The following CHL1 variants were observed in gnomAD, a reference collection of about 807,000 sequenced individuals.
CHL1 encodes the protein cell adhesion molecule L1 like.
Under a neutral mutation model 141.9 loss-of-function variants are expected in CHL1, and 96 were observed. The ratio of observed to expected loss-of-function variants is 0.68; its 90% CI spans 0.57 to 0.80. CHL1 has a LOEUF of 0.80. Ranked by LOEUF, CHL1 falls within the 30% of genes least tolerant of loss-of-function variation. CHL1 has a pLI of 0.00. For missense variants in CHL1, 1,820 were observed against 1,457.2 expected (o/e 1.25, Z -4.05); for synonymous variants, 613 against 502.2 (o/e 1.22, Z -2.95).
In CHL1 at chr3:382,084, C is replaced by A. The variant is rs557441602; in HGVS notation, c.1877-95C>A. Reference sequence around the variant, plus strand: ...TTCCCAGGTCCCTAAGAGGGTGGTACCTCCTCTGTCTCCGGGTAGCTGGCA... The same window carrying A: ...TTCCCAGGTCCCTAAGAGGGTGGTAACTCCTCTGTCTCCGGGTAGCTGGCA... On this transcript the variant is annotated intron_variant, in intron 16 of 27. Transcript: ENST00000256509. The A allele has an allele frequency of 5.0e-6, 5 of 995,272 alleles. No individual in the cohort carries two copies. The Middle Eastern group carries it at 8.9e-4, about 177-fold the overall frequency. 61.7% of individuals were successfully genotyped at this position (995,272 alleles called of 1,614,324 possible). A position where few individuals can be genotyped will look rare whatever the true frequency, so the allele number is the denominator to read the frequency against.
chr3:301,795 G>A (rs1223083646), intron 2 of CHL1, among the ~76,000 whole-genome samples: 1 of 152,130 alleles, frequency 6.6e-6, no homozygotes, highest in Non-Finnish European at 1.5e-5. Flanking sequence ...TACATGTACA[G>A]AACATGCAGT....
At position 314,339 on chromosome 3, in the gene CHL1, A is replaced by C. The variant is rs1339307446; in HGVS notation, c.-94-5344A>C. 9.7e-3 allele frequency among the ~76,000 whole-genome samples: 568 copies of C among 58,756 alleles called. 20 individuals are homozygous for C. The highest frequency in any genetic ancestry group is 0.039 in the African/African-American group (407 of 10,494). The allele number at this position is 58,756 out of a possible 152,430, so 38.5% of individuals were successfully genotyped here. ...TCTCTCTCTCTATGTGTATATATATATATATATATATATATATATATATAT... is the reference window on the plus strand; with the variant it reads ...TCTCTCTCTCTATGTGTATATATATCTATATATATATATATATATATATAT... On this transcript the variant is annotated intron_variant, in intron 2 of 27. Transcript: ENST00000256509.
At position 405,746 on chromosome 3, in the gene CHL1, C is replaced by G. The variant is rs1234336894; in HGVS notation, c.*35C>G. ...ATGTAAGCAACGCTACTGGTTCACCCCAACCTTCCATATTTATCTGTTCAA... is the reference window on the plus strand; with the variant it reads ...ATGTAAGCAACGCTACTGGTTCACCGCAACCTTCCATATTTATCTGTTCAA... On this transcript the variant is annotated 3_prime_UTR_variant, in exon 28 of 28. Transcript: ENST00000256509. The G allele has an allele frequency of 6.8e-7, 1 of 1,476,476 alleles. No homozygotes were observed. Among genetic ancestry groups the G allele is most frequent in the Admixed American group, 1.7e-5 (1 of 59,510 alleles). The allele number at this position is 1,476,476 out of a possible 1,614,324, so 91.5% of individuals were successfully genotyped here.
chr3:397,282 G>T (rs935776846), intron 24 of CHL1, among the ~76,000 whole-genome samples: 5 of 151,778 alleles, frequency 3.3e-5, no homozygotes, highest in Non-Finnish European at 5.9e-5. Flanking sequence ...CATATAATTG[G>T]CCTTATTTCT....
At chr3:284,669 A>G (rs184441801) in intron 2 of CHL1, among the ~76,000 whole-genome samples, 102 of 152,330 alleles carry the variant, frequency 6.7e-4, no homozygotes, top group Non-Finnish European at 1.0e-3. Context: ...TCTTCATGAC[A>G]TTATATGTTG....
chr3:332,240 C>T (rs1325926648), intron 5 of CHL1, among the ~76,000 whole-genome samples: 8 of 152,122 alleles, frequency 5.3e-5, no homozygotes, highest in East Asian at 1.9e-4. Flanking sequence ...GTAAATAAAA[C>T]GTCAAGAATA....
chr3:332,541 A>C (rs1196071809), intron 5 of CHL1, among the ~76,000 whole-genome samples: 1 of 152,090 alleles, frequency 6.6e-6, no homozygotes, highest in Non-Finnish European at 1.5e-5. Context: ...TTTTACATTT[A>C]TTCTATAAAC....
intron 5 of CHL1, among the ~76,000 whole-genome samples, chr3:333,789 C>T (rs1701649157): frequency 6.6e-6 from 1 of 152,122 alleles, no homozygotes; most frequent in Non-Finnish European, 1.5e-5. Flanking sequence ...CTTCATTATC[C>T]AACTATCAGT....
chr3:353,583 G>A (rs1053493367), intron 10 of CHL1, among the ~76,000 whole-genome samples: 2 of 152,180 alleles, frequency 1.3e-5, no homozygotes, highest in African/African-American at 4.8e-5. Flanking sequence ...ACTTGAACTT[G>A]AACTTGCCAA....
At chr3:218,145 C>T (rs907884540) in intron 1 of CHL1, among the ~76,000 whole-genome samples, 2 of 152,170 alleles carry the variant, frequency 1.3e-5, no homozygotes, top group African/African-American at 4.8e-5. Context: ...TTTCAGGCTT[C>T]TTAATAGCAG....
chr3:237,750 A>G (rs1692131107), intron 1 of CHL1, among the ~76,000 whole-genome samples: 2 of 152,248 alleles, frequency 1.3e-5, no homozygotes, highest in Non-Finnish European at 1.5e-5. Context: ...AGATTATACT[A>G]AATTATTAAA....
chr3:326,267 C>T (rs889111614), intron 4 of CHL1, among the ~76,000 whole-genome samples: 5 of 151,906 alleles, frequency 3.3e-5, no homozygotes, highest in African/African-American at 1.2e-4. Context: ...TTATTTTGAC[C>T]ATAAACTAAG....
chr3:345,798 T>A (rs1376512466), intron 9 of CHL1, among the ~76,000 whole-genome samples: 4 of 152,206 alleles, frequency 2.6e-5, no homozygotes, highest in African/African-American at 9.6e-5. Flanking sequence ...TGCACCTTTT[T>A]AAATCCTCCA....
At chr3:382,021 C>T (rs1019367099) in intron 16 of CHL1, among the ~76,000 whole-genome samples, 158 bp from the exon 17 acceptor site, 2 of 140,052 alleles carry the variant, frequency 1.4e-5, no homozygotes, top group African/African-American at 2.7e-5. Context: ...TGAAACTCCA[C>T]CTTTCCCTTC....
chr3:361,822 G>A lies in CHL1; in HGVS notation c.1418+12G>A, dbSNP rs750080926. 1.3e-6 allele frequency: 2 copies of A among 1,548,204 alleles called. No homozygotes were observed. Among genetic ancestry groups the A allele is most frequent in the East Asian group, 2.2e-5 (1 of 44,500 alleles). ...GCAGTCGTGTCCTGGTAAGCCGGTGGCTCATGGTTTTCTTAAGAGAATGTC... is the reference window on the plus strand; with the variant it reads ...GCAGTCGTGTCCTGGTAAGCCGGTGACTCATGGTTTTCTTAAGAGAATGTC... On this transcript the variant is annotated intron_variant, in intron 13 of 27. Coordinates refer to ENST00000256509, the MANE Select transcript of CHL1 (RefSeq NM_006614.4).
At chr3:375,865 A>C (rs1706248572) in intron 15 of CHL1, among the ~76,000 whole-genome samples, 1 of 152,180 alleles carries the variant, frequency 6.6e-6, no homozygotes, top group Admixed American at 6.5e-5. Context: ...CTCCAAAGAG[A>C]GAATCGTTTT....
chr3:268,463 A>G (rs1695351409), intron 2 of CHL1, among the ~76,000 whole-genome samples: 1 of 152,134 alleles, frequency 6.6e-6, no homozygotes, highest in South Asian at 2.1e-4. Context: ...TGAACCTGGG[A>G]GGCAGAGGCT....
chr3:343,026 C>T lies in CHL1; in HGVS notation c.722C>T (p.Ser241Phe), dbSNP rs866122463. ...NDSSSSTEIG[S>F]KANSIKQRKP... ...TCAAGTTCATCCACAGAAATTGGTTCCAAGGGTAAGTTGAACCCATGTGGA... is the reference window on the plus strand; with the variant it reads ...TCAAGTTCATCCACAGAAATTGGTTTCAAGGGTAAGTTGAACCCATGTGGA... The change falls in exon 8 of 28, where the codon TCC (serine) becomes TTC (phenylalanine). Residue 241 changes from serine to phenylalanine, a missense_variant. By Grantham distance (155) the Ser-to-Phe change is radical. Transcript: ENST00000256509. 1.2e-6 allele frequency: 2 copies of T among 1,606,786 alleles called. No individual in the cohort carries two copies. Among genetic ancestry groups the T allele is most frequent in the Middle Eastern group, 1.7e-4 (1 of 6,038 alleles).
intron 1 of CHL1, among the ~76,000 whole-genome samples, chr3:220,353 C>G (rs1700722002): frequency 6.6e-6 from 1 of 152,084 alleles, no homozygotes; most frequent in Non-Finnish European, 1.5e-5. Context: ...CCTGTAGTTC[C>G]AGCTACTCAG....
Sources: gnomAD v4.1 joint callset for allele counts (sites outside exome capture counted in the v4.1 genomes callset) on GRCh38, gnomAD v4.1.1 for gene constraint, MANE v1.5 for transcripts, NCBI Gene and HGNC (gene_info 2026-07-23, HGNC 2026-07-21) for gene names.